The following FBXO24 variants were observed in gnomAD, a reference collection of about 807,000 sequenced individuals.
FBXO24 encodes F-box only protein 24.
FBXO24 carries 30 observed loss-of-function variants against 63.5 expected under a neutral mutation model. That is an observed-to-expected ratio of 0.47 (90% CI 0.35 to 0.64). The LOEUF is 0.64. Among genes scored for constraint, FBXO24 ranks in the 30% least tolerant of loss-of-function variants. The pLI is 0.00. For missense variants in FBXO24, 624 were observed against 763.4 expected (o/e 0.82, Z 2.15); for synonymous variants, 300 against 305.0 (o/e 0.98, Z 0.17).
intron 1 of FBXO24, among the ~76,000 whole-genome samples, chr7:100,588,548 C>T (rs1335305281): frequency 6.6e-6 from 1 of 152,148 alleles, no homozygotes; most frequent in East Asian, 1.9e-4. Flanking sequence ...GTGGTGAGGG[C>T]TGGTGGTCTG....
chr7:100,590,281 C>G lies in FBXO24; in HGVS notation c.246C>G (p.Ile82Met). 6.2e-7 allele frequency: 1 copy of G among 1,614,196 alleles called. No homozygotes were observed. Reference protein sequence around the residue: ...VCDGEGVWRRICRRLSPRLQD... With the variant: ...VCDGEGVWRRMCRRLSPRLQD... ...ATGGGGAAGGCGTGTGGAGACGCAT[C>G]TGTCGCAGACTCAGTCCGCGCCTCC... Residue 82 changes from isoleucine to methionine, a missense_variant, in exon 3 of 10, where the codon ATC becomes ATG. This residue lies in a region of FBXO24 where 391 missense variants were observed against 469.1 expected (regional missense o/e 0.83). Coordinates refer to ENST00000241071, the MANE Select transcript of FBXO24 (RefSeq NM_033506.3).
At position 100,595,569 on chromosome 7, in the gene FBXO24, C is replaced by T. The variant is rs1224705539; in HGVS notation, c.1075-6C>T. ...ATCCCTATCCCCTTTCTATCTTGCA[C>T]GCTAGATCCTATTCTGTGCTCTTGG... On this transcript the variant is annotated splice_region_variant and splice_polypyrimidine_tract_variant and intron_variant, in intron 7 of 9. Coordinates refer to ENST00000241071, the MANE Select transcript of FBXO24 (RefSeq NM_033506.3). 6.3e-6 allele frequency: 10 copies of T among 1,592,334 alleles called. No homozygotes were observed. The highest frequency in any genetic ancestry group is 4.5e-5 in the East Asian group (2 of 44,582).
rs1397930731 is a variant in FBXO24 at position 100,590,325 on chromosome 7, T to C, written c.290T>C (p.Val97Ala). The C allele has an allele frequency of 3.1e-6, 5 of 1,613,800 alleles. No homozygotes were observed. Among genetic ancestry groups the C allele is most frequent in the Non-Finnish European group, 4.2e-6 (5 of 1,179,842 alleles). The change falls in exon 3 of 10, where the codon GTC (valine) becomes GCC (alanine). Residue 97 changes from valine to alanine, a missense_variant. Physicochemically the swap from Val to Ala is moderately conservative, Grantham distance 64. This residue lies in a region of FBXO24 where 391 missense variants were observed against 469.1 expected (regional missense o/e 0.83). Transcript: ENST00000241071. The stretch of plus-strand genomic sequence containing the variant: ...CGCCTCCAAGATCAGGGTTCTGGAG[T>C]CCGGCCCTGGAAGAGAGCTGCCATT... ...SPRLQDQGSG[V>A]RPWKRAAILN... is the part of the protein sequence containing the mutation.
Position 100,594,499 on chromosome 7 carries a change from G to T in FBXO24, c.910G>T (p.Ala304Ser). 6.2e-7 allele frequency: 1 copy of T among 1,612,578 alleles called. No individual in the cohort carries two copies. The highest frequency in any genetic ancestry group is 1.1e-5 in the South Asian group (1 of 90,878). ...VSHYLPHLRV[A>S]CMTSNQSSTL... ...CCACTACCTGCCTCACCTGCGCGTGGCCTGCATGACTTCCAACCAGAGCAG... is the reference window on the plus strand; with the variant it reads ...CCACTACCTGCCTCACCTGCGCGTGTCCTGCATGACTTCCAACCAGAGCAG... The change falls in exon 6 of 10, where the codon GCC (alanine) becomes TCC (serine). Residue 304 changes from alanine (A) to serine (S), a missense_variant. By Grantham distance (99) the Ala-to-Ser change is moderately conservative. This residue lies in a region of FBXO24 where 391 missense variants were observed against 469.1 expected (regional missense o/e 0.83). Transcript: ENST00000241071. The surrounding 1 kb of genome is among the most constrained non-coding windows in gnomAD (Gnocchi z 4.2).
At position 100,590,331 on chromosome 7, in the gene FBXO24, C is replaced by A; in HGVS notation, c.296C>A (p.Pro99His). The A allele has an allele frequency of 6.2e-7, 1 of 1,613,750 alleles. No homozygotes were observed. The highest frequency in any genetic ancestry group is 8.5e-7 in the Non-Finnish European group (1 of 1,179,816). ...CAAGATCAGGGTTCTGGAGTCCGGC[C>A]CTGGAAGAGAGCTGCCATTCTGAAC... ...RLQDQGSGVR[P>H]WKRAAILNYT... The change falls in exon 3 of 10, where the codon CCC (proline) becomes CAC (histidine). Residue 99 changes from proline to histidine, a missense_variant. This residue lies in a region of FBXO24 where 391 missense variants were observed against 469.1 expected (regional missense o/e 0.83). Transcript: ENST00000241071.
At chr7:100,595,295 G>A in intron 7 of FBXO24, 72 bp downstream of exon 7, 1 of 1,605,160 alleles carries the variant, frequency 6.2e-7, no homozygotes, top group Non-Finnish European at 8.5e-7. Flanking sequence ...AAGTATTATA[G>A]GAATCAGATT....
Position 100,594,362 on chromosome 7 carries a change from A to G in FBXO24, c.794-21A>G. On this transcript the variant is annotated intron_variant, in intron 5 of 9. Coordinates refer to ENST00000241071, the MANE Select transcript of FBXO24 (RefSeq NM_033506.3). The surrounding 1 kb of genome is among the most constrained non-coding windows in gnomAD (Gnocchi z 4.2). The stretch of plus-strand genomic sequence containing the variant: ...ATATTGGAGAATCCCCTCCCCAACT[A>G]ATTGCTTCCCCTACCCCCAGAGGAA... 6.2e-7 allele frequency: 1 copy of G among 1,609,114 alleles called. No homozygotes were observed. Among genetic ancestry groups the G allele is most frequent in the Non-Finnish European group, 8.5e-7 (1 of 1,177,926 alleles).
chr7:100,586,577 GA>G lies in FBXO24; in HGVS notation c.-47del, dbSNP rs1562812793. 1.2e-6 allele frequency: 2 copies of G among 1,605,678 alleles called. No individual in the cohort carries two copies. Among genetic ancestry groups the G allele is most frequent in the Non-Finnish European group, 1.7e-6 (2 of 1,172,532 alleles). On this transcript the variant is annotated 5_prime_UTR_variant, in exon 1 of 10. Transcript: ENST00000241071. ...GAAGGCCAATTAGAGCCTCCGAAGG[GA>G]ATCTGGACCTGCCTCTTCTCTGAGG...
In FBXO24 at chr7:100,594,248, C is replaced by T; in HGVS notation, c.794-135C>T. On this transcript the variant is annotated intron_variant, in intron 5 of 9. Transcript: ENST00000241071. This position sits in a 1 kb window ranked among gnomAD's most constrained non-coding sequence, Gnocchi z 4.2. Reference sequence around the variant, plus strand: ...CTGGAGTCTGGGGGACTTGGGGTCACTCTTCCCTTATTTCTTTCTCAGCCC... The same window carrying T: ...CTGGAGTCTGGGGGACTTGGGGTCATTCTTCCCTTATTTCTTTCTCAGCCC... 1 of 959,764 alleles carries T rather than the reference C, an allele frequency of 1.0e-6. No individual in the cohort carries two copies. The highest frequency in any genetic ancestry group is 1.5e-6 in the Non-Finnish European group (1 of 662,004). 59.5% of individuals were successfully genotyped at this position (959,764 alleles called of 1,614,324 possible). A position where few individuals can be genotyped will look rare whatever the true frequency, so the allele number is the denominator to read the frequency against.
At position 100,600,028 on chromosome 7, in the gene FBXO24, C is replaced by T; in HGVS notation, c.1207-3C>T. ...CTCAGGGACCCTGGCCGTGTGTCCC[C>T]AGGTTTGTTACCTGCAGCGGCCCAT... On this transcript the variant is annotated splice_region_variant and splice_polypyrimidine_tract_variant and intron_variant, in intron 8 of 9. Transcript: ENST00000241071. This position sits in a 1 kb window ranked among gnomAD's most constrained non-coding sequence, Gnocchi z 6.3. 2 of 1,607,578 alleles carry T rather than the reference C, an allele frequency of 1.2e-6. No individual in the cohort carries two copies. The highest frequency in any genetic ancestry group is 1.7e-6 in the Non-Finnish European group (2 of 1,177,726).
rs1320063606 is a variant in FBXO24 at position 100,600,526 on chromosome 7, C to T, written c.1378-8C>T. ...CTCAGCCATGCCCCCTTTCTCTCCTCCTCCAAGGTCCCTCTGTGTGCCTGT... is the reference window on the plus strand; with the variant it reads ...CTCAGCCATGCCCCCTTTCTCTCCTTCTCCAAGGTCCCTCTGTGTGCCTGT... On this transcript the variant is annotated splice_polypyrimidine_tract_variant and splice_region_variant and intron_variant, in intron 9 of 9. Transcript: ENST00000241071. This position sits in a 1 kb window ranked among gnomAD's most constrained non-coding sequence, Gnocchi z 6.3. 44 of 1,537,226 alleles carry T rather than the reference C, an allele frequency of 2.9e-5. No homozygotes were observed. Among genetic ancestry groups the T allele is most frequent in the Non-Finnish European group, 3.7e-5 (42 of 1,142,534 alleles).
intron 1 of FBXO24, 43 bp downstream of exon 1, chr7:100,586,707 G>GC (rs910363244): frequency 6.2e-7 from 1 of 1,611,164 alleles, no homozygotes; most frequent in Non-Finnish European, 8.5e-7. Context: ...TGAACGCGGA[G>GC]CCCCTGGCCG....
At chr7:100,589,922 A>AG in intron 1 of FBXO24, 55 bp from the exon 2 acceptor site, 1 of 1,577,260 alleles carries the variant, frequency 6.3e-7, no homozygotes, top group Non-Finnish European at 8.6e-7. Flanking sequence ...GGCGGAGAGA[A>AG]GGGAAAAAAG....
intron 1 of FBXO24, chr7:100,589,330 C>T: frequency 9.9e-7 from 1 of 1,009,692 alleles, no homozygotes; most frequent in African/African-American, 1.7e-5. Context: ...TAGTGTTTCT[C>T]TACAGAGTTA....
In FBXO24 at chr7:100,591,671, G is replaced by A. The variant is rs145888227; in HGVS notation, c.327G>A (p.Thr109=). 2.1e-4 allele frequency: 339 copies of A among 1,613,966 alleles called. 2 individuals are homozygous for A. The Middle Eastern group carries it at 6.4e-3, about 31-fold the overall frequency. Residue 109 remains threonine, a synonymous_variant, in exon 4 of 10, where the codon ACG becomes ACA. Coordinates refer to ENST00000241071, the MANE Select transcript of FBXO24 (RefSeq NM_033506.3). ...PWKRAAILNY[T]KGLYFQAFGG... ...CCATCTCCTTCCTTCCTCCAGACAC[G>A]AAGGGCCTGTATTTCCAGGCATTTG...
Position 100,586,639 on chromosome 7 carries a change from C to T in FBXO24, c.14C>T (p.Ala5Val). Residue 5 changes from alanine to valine, a missense_variant, in exon 1 of 10, where the codon GCG becomes GTG. This residue lies in a region of FBXO24 where 391 missense variants were observed against 469.1 expected (regional missense o/e 0.83). Coordinates refer to ENST00000241071, the MANE Select transcript of FBXO24 (RefSeq NM_033506.3). MGEK[A>V]VPLLRRRRVK... ...CCTACCAATAGCATGGGCGAGAAGG[C>T]GGTCCCTTTGCTAAGGAGGAGGCGG... 2.5e-6 allele frequency: 4 copies of T among 1,614,190 alleles called. No individual in the cohort carries two copies. The highest frequency in any genetic ancestry group is 1.1e-5 in the South Asian group (1 of 91,082).
Position 100,600,939 on chromosome 7 carries a change from G to A in FBXO24, c.*40G>A, listed in dbSNP as rs748106722. The stretch of plus-strand genomic sequence containing the variant: ...GCCTAGTCCCTGGAGGAGGGAGTCC[G>A]GCCCCAGGCCAGGGACTAAGGAGCA... On this transcript the variant is annotated 3_prime_UTR_variant, in exon 10 of 10. Coordinates refer to ENST00000241071, the MANE Select transcript of FBXO24 (RefSeq NM_033506.3). This position sits in a 1 kb window ranked among gnomAD's most constrained non-coding sequence, Gnocchi z 6.3. 33 of 1,583,832 alleles carry A rather than the reference G, an allele frequency of 2.1e-5. No individual in the cohort carries two copies. Among genetic ancestry groups the A allele is most frequent in the African/African-American group, 4.0e-5 (3 of 74,130 alleles).
intron 5 of FBXO24, 118 bp downstream of exon 5, chr7:100,593,135 C>A: frequency 1.4e-6 from 1 of 737,902 alleles, no homozygotes; most frequent in Non-Finnish European, 2.3e-6. Flanking sequence ...TTATCCTAGT[C>A]TCCATCTAAA....
intron 8 of FBXO24, among the ~76,000 whole-genome samples, chr7:100,596,950 G>C (rs925153021): frequency 1.3e-5 from 2 of 152,138 alleles, no homozygotes; most frequent in African/African-American, 4.8e-5. Flanking sequence ...TCTGAGGCAC[G>C]AGAATTGCTT....
Sources: gnomAD v4.1 joint callset for allele counts (sites outside exome capture counted in the v4.1 genomes callset) on GRCh38, gnomAD v4.1.1 for gene constraint, gnomAD v4.1.1 regional missense constraint, Gnocchi (gnomAD v3.1) non-coding constraint, MANE v1.5 for transcripts, NCBI Gene and HGNC (gene_info 2026-07-23, HGNC 2026-07-21) for gene names.